NAF1: variants seen among roughly 807,000 people sequenced by gnomAD.
The protein encoded by NAF1 is H/ACA ribonucleoprotein complex non-core subunit NAF1.
Under a neutral mutation model 40.6 loss-of-function variants are expected in NAF1, and 11 were observed. That is an observed-to-expected ratio of 0.27 (90% CI 0.17 to 0.45). The LOEUF is 0.45. Among genes scored for constraint, NAF1 ranks in the 20% least tolerant of loss-of-function variants. NAF1 has a pLI of 1.00. For missense variants in NAF1, 607 were observed against 611.1 expected (o/e 0.99, Z 0.07); for synonymous variants, 260 against 228.5 (o/e 1.14, Z -1.24).
At chr4:163,125,430 A>G (rs1314126656), downstream of NAF1, among the ~76,000 whole-genome samples, 1 of 152,270 alleles carries the variant, frequency 6.6e-6, no homozygotes, top group African/African-American at 2.4e-5. Context: ...ACAGCTTTAC[A>G]GCAGATATGG....
chr4:163,140,253 G>A lies in NAF1; in HGVS notation c.848C>T (p.Thr283Ile). The A allele has an allele frequency of 6.2e-7, 1 of 1,605,390 alleles. No homozygotes were observed. The highest frequency in any genetic ancestry group is 1.1e-5 in the South Asian group (1 of 88,942). Residue 283 changes from threonine (T) to isoleucine (I), a missense_variant, in exon 5 of 8, where the codon ACT becomes ATT. Transcript: ENST00000274054. ...TAGTTTTTCTGTGAATATATATTGAGTGAAATCTTTCATTGATGGAGCAAA... is the reference window on the plus strand; with the variant it reads ...TAGTTTTTCTGTGAATATATATTGAATGAAATCTTTCATTGATGGAGCAAA... ...MYFAPSMKDF[T>I]QYIFTEKLKQ...
Position 163,166,533 on chromosome 4 carries a change from C to A in NAF1, c.195G>T (p.Gln65His), listed in dbSNP as rs775767638. 1 of 1,585,092 alleles carries A rather than the reference C, an allele frequency of 6.3e-7. No individual in the cohort carries two copies. Among genetic ancestry groups the A allele is most frequent in the East Asian group, 2.3e-5 (1 of 43,426 alleles). The change falls in exon 1 of 8, where the codon CAG becomes CAT. Residue 65 changes from glutamine (Q) to histidine (H), a missense_variant. Coordinates refer to ENST00000274054, the MANE Select transcript of NAF1 (RefSeq NM_138386.3). ...QTVEVKPAGE[Q>H]PLQPVLNAVA... is the part of the protein sequence containing the mutation. ...CGGCGTTCAGAACGGGCTGCAGAGGCTGCTCCCCGGCAGGCTTAACCTCCA... is the reference window on the plus strand; with the variant it reads ...CGGCGTTCAGAACGGGCTGCAGAGGATGCTCCCCGGCAGGCTTAACCTCCA...
rs1370992872 is a variant in NAF1, at chr4:163,166,452, G to A, written c.276C>T (p.Cys92=). The A allele has an allele frequency of 1.2e-6, 2 of 1,605,168 alleles. No individual in the cohort carries two copies. The highest frequency in any genetic ancestry group is 1.1e-5 in the South Asian group (1 of 90,274). ...CTCCTGGGGAGGTGACGCAGTCTCC[G>A]CAGGCCGGCGATTCAGCCGGTGGCT... is the stretch of plus-strand genomic sequence containing the variant. ...QPQPPAESPA[C]GDCVTSPGAA... Residue 92 remains cysteine (C), a synonymous_variant, in exon 1 of 8, where the codon TGC becomes TGT. Transcript: ENST00000274054.
chr4:163,153,976 G>A (rs1398328555), intron 2 of NAF1, among the ~76,000 whole-genome samples: 3 of 151,970 alleles, frequency 2.0e-5, no homozygotes, highest in South Asian at 4.2e-4. Context: ...CCCACTGGGA[G>A]GAACAAACAA....
Position 163,115,938 on chromosome 4 carries a change from AACT to A in NAF1, c.115-5651_115-5649del, listed in dbSNP as rs1374801458. Among the ~76,000 whole-genome samples the A allele has an allele frequency of 2.0e-5, 3 of 152,332 alleles. No homozygotes were observed. In the East Asian group the frequency reaches 5.8e-4, roughly 29 times the overall value. ...GCACAATTTTAAAAGTAAAACAAAA[AACT>A]ACATTTGCCAAATTATCATGTATAC... On this transcript the variant is annotated intron_variant, in intron 2 of 2. Coordinates refer to the NAF1 transcript ENST00000509434.
In NAF1 at chr4:163,166,364, TGTCCGAGTCCGA is replaced by T; in HGVS notation, c.352_363del (p.Asp119_Ser122del). ...CTCCGGGTCCCTTAGGCACCCGACC[TGTCCGAGTCCGA>T]ATCCGAGTCCGAGGTCTCCAAGGAG... On this transcript the variant is annotated inframe_deletion and splice_region_variant, in exon 1 of 8. Coordinates refer to ENST00000274054, the MANE Select transcript of NAF1 (RefSeq NM_138386.3). The T allele has an allele frequency of 1.9e-6, 3 of 1,594,096 alleles. No individual in the cohort carries two copies. The highest frequency in any genetic ancestry group is 1.7e-6 in the Non-Finnish European group (2 of 1,169,598).
At chr4:163,149,850 C>A (rs534540760) in intron 2 of NAF1, among the ~76,000 whole-genome samples, 1 of 152,178 alleles carries the variant, frequency 6.6e-6, no homozygotes, top group African/African-American at 2.4e-5. Context: ...TTGTTAAATA[C>A]AAGACTGGAT....
At chr4:163,127,235 T>C (rs1214348150), downstream of NAF1, 24 of 1,322,732 alleles carry the variant, frequency 1.8e-5, no homozygotes, top group Admixed American at 3.3e-5. Flanking sequence ...GTTCAAATAA[T>C]TCTCCTGCCT....
At chr4:163,153,410 C>T (rs1731820745) in intron 2 of NAF1, among the ~76,000 whole-genome samples, 1 of 152,206 alleles carries the variant, frequency 6.6e-6, no homozygotes, top group African/African-American at 2.4e-5. Flanking sequence ...TTTGTAAGTG[C>T]ACCAATCGAC....
At chr4:163,128,021 G>A (rs77861793), downstream of NAF1, among the ~76,000 whole-genome samples, 1 of 152,154 alleles carries the variant, frequency 6.6e-6, no homozygotes. Flanking sequence ...GAAAACTGGA[G>A]TATTTCAATG....
downstream of NAF1, chr4:163,126,812 T>C: frequency 1.1e-6 from 1 of 931,200 alleles, no homozygotes. Flanking sequence ...ACTGCCACTT[T>C]TAGCAACAAC....
In NAF1 at chr4:163,148,443, T is replaced by TAAAAC. The variant is rs753001707; in HGVS notation, c.541-14_541-10dup. On this transcript the variant is annotated splice_polypyrimidine_tract_variant and intron_variant, in intron 2 of 7. Coordinates refer to ENST00000274054, the MANE Select transcript of NAF1 (RefSeq NM_138386.3). ...TCAACAGAAGGCAGTTCCTATAATT[T>TAAAAC]AAAACAAAACAAAACATTAAACTTC... 3 of 1,541,906 alleles carry TAAAAC rather than the reference T, an allele frequency of 1.9e-6. No homozygotes were observed. The highest frequency in any genetic ancestry group is 2.2e-5 in the Admixed American group (1 of 44,648).
At chr4:163,113,634 T>C (rs368988500) in intron 2 of NAF1, among the ~76,000 whole-genome samples, 49 of 152,344 alleles carry the variant, frequency 3.2e-4, no homozygotes, top group African/African-American at 8.4e-4. Flanking sequence ...AGGACAATTA[T>C]AGAAGTTTCC....
intron 3 of NAF1, among the ~76,000 whole-genome samples, chr4:163,146,690 C>A (rs893783533): frequency 6.6e-6 from 1 of 152,166 alleles, no homozygotes; most frequent in African/African-American, 2.4e-5. Context: ...CGGTGGCTCA[C>A]GCCTGCAGCA....
intron 5 of NAF1, among the ~76,000 whole-genome samples, chr4:163,139,288 A>C (rs944217919): frequency 5.9e-5 from 9 of 152,240 alleles, no homozygotes; most frequent in African/African-American, 2.2e-4. Context: ...GTCTCCAATA[A>C]AAGAAGAGCT....
In NAF1 at chr4:163,148,374, G is replaced by C; in HGVS notation, c.601C>G (p.Leu201Val). The C allele has an allele frequency of 1.3e-6, 2 of 1,578,910 alleles. No homozygotes were observed. The highest frequency in any genetic ancestry group is 1.7e-6 in the Non-Finnish European group (2 of 1,168,100). Residue 201 changes from leucine to valine, a missense_variant, in exon 3 of 8, where the codon CTT (leucine) becomes GTT (valine). Coordinates refer to ENST00000274054, the MANE Select transcript of NAF1 (RefSeq NM_138386.3). ...ILPEDIELKPLGMVSSIIEQL... is the reference protein window; with the variant it reads ...ILPEDIELKPVGMVSSIIEQL... ...TCAATAATACTTGAAACCATCCCAA[G>C]AGGCTTTAACTCAATATCTTCAGGC...
intron 2 of NAF1, among the ~76,000 whole-genome samples, chr4:163,119,207 T>C (rs1730443483): frequency 6.6e-6 from 1 of 152,224 alleles, no homozygotes; most frequent in Non-Finnish European, 1.5e-5. Context: ...ATTTGTAGAA[T>C]GTCCTTAGAA....
At chr4:163,157,004 A>G (rs1054854565) in intron 2 of NAF1, 6 of 152,092 alleles carry the variant, frequency 3.9e-5, no homozygotes, top group Non-Finnish European at 8.8e-5. Flanking sequence ...AACAAAGAGT[A>G]GGAAAGGAAA....
intron 4 of NAF1, among the ~76,000 whole-genome samples, chr4:163,145,545 A>C (rs1242012161): frequency 6.6e-6 from 1 of 152,216 alleles, no homozygotes; most frequent in African/African-American, 2.4e-5. Flanking sequence ...AAACACTAGG[A>C]AAGAATTCTA....
Sources: gnomAD v4.1 joint callset for allele counts (sites outside exome capture counted in the v4.1 genomes callset) on GRCh38, gnomAD v4.1.1 for gene constraint, MANE v1.5 for transcripts, NCBI Gene and HGNC (gene_info 2026-07-23, HGNC 2026-07-21) for gene names.